LINGO2: variants seen among roughly 807,000 people sequenced by gnomAD.
LINGO2 encodes the protein leucine-rich repeat and immunoglobulin-like domain-containing nogo receptor-interacting protein 2.
In LINGO2, 14 loss-of-function variants were observed where a neutral mutation model predicts 30.6. The observed-to-expected ratio is 0.46, with a 90% CI of 0.30 to 0.72. The LOEUF is 0.72. LINGO2 is among the 30% of genes least tolerant of loss of function. The probability of loss-of-function intolerance (pLI) is 0.07; values close to 1 mark genes in which losing one functional copy is unlikely to be tolerated. For synonymous variants in LINGO2, 317 were observed against 288.5 expected (o/e 1.10, Z -1.00); for missense variants, 729 against 751.7 (o/e 0.97, Z 0.35).
the LINGO2 span, among the ~76,000 whole-genome samples, chr9:29,188,708 C>T: frequency 7.2e-6 from 1 of 139,252 alleles, no homozygotes. Context: ...GGGGGCTGAC[C>T]CCCCCACCTC....
the LINGO2 span, among the ~76,000 whole-genome samples, chr9:29,024,989 A>G: frequency 6.6e-6 from 1 of 152,236 alleles, no homozygotes; most frequent in Admixed American, 6.6e-5. Flanking sequence ...TTGTTTATCA[A>G]AAAAGAAAAA....
Position 28,053,721 on chromosome 9 carries a change from A to G in LINGO2, c.-86-41316T>C, listed in dbSNP as rs112420962. Among the ~76,000 whole-genome samples, 1,219 of 152,184 alleles carry G rather than the reference A, an allele frequency of 8.0e-3. 15 individuals carry two copies. Among genetic ancestry groups the G allele is most frequent in the African/African-American group, 0.026 (1,079 of 41,532 alleles). ...TGAAATCTTGATATAATAGGTCTAT[A>G]TTGGAACTGGATATGGGTATGTTGG... is the stretch of plus-strand genomic sequence containing the variant. On this transcript the variant is annotated intron_variant, in intron 4 of 5. Coordinates refer to ENST00000379992, the Ensembl canonical transcript of LINGO2.
intron 2 of LINGO2, among the ~76,000 whole-genome samples, chr9:28,423,041 A>C (rs943693052): frequency 5.3e-5 from 8 of 152,054 alleles, no homozygotes; most frequent in African/African-American, 1.9e-4. Context: ...ATGGAAAGTT[A>C]TTTGTTCATG....
chr9:28,909,955 G>A, the LINGO2 span, among the ~76,000 whole-genome samples: 1 of 151,944 alleles, frequency 6.6e-6, no homozygotes, highest in East Asian at 1.9e-4. Context: ...ACAATTGCAA[G>A]AAAGAATAAT....
chr9:28,571,159 A>G (rs747159233), intron 1 of LINGO2, among the ~76,000 whole-genome samples: 2 of 152,032 alleles, frequency 1.3e-5, no homozygotes, highest in African/African-American at 2.4e-5. Context: ...TCTTAAAAAA[A>G]TACTTTCATG....
chr9:28,614,117 T>C (rs773024492), intron 1 of LINGO2, among the ~76,000 whole-genome samples: 1 of 152,156 alleles, frequency 6.6e-6, no homozygotes, highest in Non-Finnish European at 1.5e-5. Context: ...ATTTCAAATT[T>C]GGTCAAAGAA....
At chr9:28,544,354 C>A (rs1268050404) in intron 1 of LINGO2, among the ~76,000 whole-genome samples, 1 of 152,096 alleles carries the variant, frequency 6.6e-6, no homozygotes, top group African/African-American at 2.4e-5. Context: ...GGAAATCATA[C>A]CTGTAATGCA....
chr9:29,078,824 C>T, the LINGO2 span, among the ~76,000 whole-genome samples: 1 of 151,902 alleles, frequency 6.6e-6, no homozygotes, highest in South Asian at 2.1e-4. Context: ...AATGTTTCCC[C>T]AACTACCTGC....
chr9:28,994,838 C>G, the LINGO2 span, among the ~76,000 whole-genome samples: 7 of 152,138 alleles, frequency 4.6e-5, no homozygotes, highest in Non-Finnish European at 1.0e-4. Flanking sequence ...GAAACTGGAT[C>G]CCTTCCTTAC....
the LINGO2 span, among the ~76,000 whole-genome samples, chr9:28,887,759 ACTGAC>A: frequency 2.0e-5 from 3 of 152,274 alleles, no homozygotes; most frequent in Admixed American, 1.3e-4. Context: ...AGAAAGGTCT[ACTGAC>A]CAGTGATTGA....
At chr9:28,107,645 T>G (rs765538696) in intron 4 of LINGO2, among the ~76,000 whole-genome samples, 2 of 152,136 alleles carry the variant, frequency 1.3e-5, no homozygotes, top group Non-Finnish European at 2.9e-5. Context: ...TAAGAGTAAT[T>G]AGAAAAGCGT....
At chr9:28,001,946 A>G (rs1197944) in intron 5 of LINGO2, among the ~76,000 whole-genome samples, 86,443 of 152,104 alleles carry the variant, frequency 0.57, 25,187 homozygotes, top group East Asian at 0.84. Flanking sequence ...AAAACTTGCC[A>G]CACCACACAG....
the LINGO2 span, among the ~76,000 whole-genome samples, chr9:28,750,849 A>G: frequency 2.0e-5 from 3 of 152,084 alleles, no homozygotes; most frequent in East Asian, 5.8e-4. Flanking sequence ...TTGAGCTCCT[A>G]GATGTCTTGC....
Position 28,049,148 on chromosome 9 carries a change from CA to C in LINGO2, c.-86-36744del, listed in dbSNP as rs1410589273. On this transcript the variant is annotated intron_variant, in intron 4 of 5. Transcript: ENST00000379992. ...CATGTCTTCATGCCTTTATCCTAGTCAGCAATGCATCATGGGACAACATCAA... is the reference window on the plus strand; with the variant it reads ...CATGTCTTCATGCCTTTATCCTAGTCGCAATGCATCATGGGACAACATCAA... Among the ~76,000 whole-genome samples, 26 of 150,910 alleles carry C rather than the reference CA, an allele frequency of 1.7e-4. 2 individuals carry two copies. Among genetic ancestry groups the C allele is most frequent in the Admixed American group, 1.3e-3 (19 of 15,054 alleles).
At chr9:28,235,800 A>G (rs1312006148) in intron 4 of LINGO2, among the ~76,000 whole-genome samples, 1 of 152,198 alleles carries the variant, frequency 6.6e-6, no homozygotes, top group African/African-American at 2.4e-5. Flanking sequence ...GAGGAGACAA[A>G]AAAAGTCAAT....
chr9:28,306,568 TA>T (rs1824366720), intron 3 of LINGO2, among the ~76,000 whole-genome samples: 1 of 151,552 alleles, frequency 6.6e-6, no homozygotes, highest in Non-Finnish European at 1.5e-5. Flanking sequence ...AGGCAAGAAA[TA>T]ACTAAAATCA....
chr9:28,900,836 T>A, the LINGO2 span, among the ~76,000 whole-genome samples: 1 of 151,984 alleles, frequency 6.6e-6, no homozygotes, highest in Non-Finnish European at 1.5e-5. Flanking sequence ...AAAGTGAAAA[T>A]TTATTAACCG....
intron 1 of LINGO2, among the ~76,000 whole-genome samples, chr9:28,492,280 G>C (rs1032428808): frequency 1.3e-5 from 2 of 152,114 alleles, no homozygotes; most frequent in African/African-American, 4.8e-5. Context: ...CAGTCTCCCA[G>C]TTTCAATGTC....
At position 27,987,658 on chromosome 9, in the gene LINGO2, T is replaced by C. The variant is rs368515398; in HGVS notation, c.-36+24697A>G. On this transcript the variant is annotated intron_variant, in intron 5 of 5. Transcript: ENST00000379992. ...TTTGACTGTGGGAGAAGTGGGGTTG[T>C]CTATGTAGGTAACTCCTTGGCCTTG... Among the ~76,000 whole-genome samples, 5 of 152,062 alleles carry C rather than the reference T, an allele frequency of 3.3e-5. No individual in the cohort carries two copies. The East Asian group carries it at 5.8e-4, about 18-fold the overall frequency.
Sources: gnomAD v4.1 joint callset for allele counts (sites outside exome capture counted in the v4.1 genomes callset) on GRCh38, gnomAD v4.1.1 for gene constraint, MANE v1.5 for transcripts, NCBI Gene and HGNC (gene_info 2026-07-23, HGNC 2026-07-21) for gene names.